Variants in ZMIZ1 observed in about 807,000 individuals in gnomAD.
ZMIZ1 encodes zinc finger MIZ domain-containing protein 1.
ZMIZ1 carries 17 observed loss-of-function variants against 113.9 expected under a neutral mutation model. That is an observed-to-expected ratio of 0.15 (90% confidence interval 0.10 to 0.22). The LOEUF (loss-of-function observed/expected upper bound fraction) is 0.22. Among genes scored for constraint, ZMIZ1 ranks in the 10% least tolerant of loss-of-function variants. The pLI is 1.00. For synonymous variants in ZMIZ1, 607 were observed against 603.1 expected, an observed-to-expected ratio of 1.01 and a Z score of -0.09; for missense variants, 1,059 against 1,477.8, an observed-to-expected ratio of 0.72 and a Z score of 4.65.
intron 4 of ZMIZ1, among the ~76,000 whole-genome samples, chr10:79,174,451 A>G (rs1846739491): frequency 2.0e-5 from 3 of 152,202 alleles, no homozygotes; most frequent in Admixed American, 2.0e-4. Flanking sequence ...TTTGATGGGC[A>G]GTGGGGAGCC....
At chr10:79,123,583 A>G (rs1844390599) in intron 2 of ZMIZ1, among the ~76,000 whole-genome samples, 1 of 152,098 alleles carries the variant, frequency 6.6e-6, no homozygotes, top group Admixed American at 6.5e-5. Flanking sequence ...GTCTTTTAAG[A>G]GAAGGTGGAG....
At chr10:79,180,363 AG>A (rs1322404687) in intron 4 of ZMIZ1, among the ~76,000 whole-genome samples, 1 of 152,164 alleles carries the variant, frequency 6.6e-6, no homozygotes, top group Non-Finnish European at 1.5e-5. Context: ...GTGACCACAG[AG>A]GGTCCTGGCC....
At chr10:79,293,714 G>A (rs770099542) in intron 12 of ZMIZ1, 61 bp downstream of exon 12, 25 of 1,611,716 alleles carry the variant, frequency 1.6e-5, no homozygotes, top group Non-Finnish European at 2.0e-5. Flanking sequence ...TGAAGACATG[G>A]GCCGTGGGTA....
At chr10:79,075,673 G>A (rs912736532) in intron 1 of ZMIZ1, among the ~76,000 whole-genome samples, 2 of 152,300 alleles carry the variant, frequency 1.3e-5, no homozygotes, top group Admixed American at 6.5e-5. Flanking sequence ...CCAGGACTCC[G>A]GCTGCCTGGC....
intron 4 of ZMIZ1, among the ~76,000 whole-genome samples, chr10:79,193,539 C>G (rs919655283): frequency 5.3e-5 from 8 of 152,190 alleles, no homozygotes. Context: ...GCCTGTTCAC[C>G]CATCTAATGA....
intron 1 of ZMIZ1, among the ~76,000 whole-genome samples, chr10:79,095,758 A>T (rs187014086): frequency 2.6e-5 from 4 of 152,066 alleles, no homozygotes; most frequent in Non-Finnish European, 4.4e-5. Context: ...GGTGCAATCA[A>T]TTTCTTCCTC....
chr10:79,173,834 G>A (rs1846705387), intron 4 of ZMIZ1, among the ~76,000 whole-genome samples: 1 of 152,192 alleles, frequency 6.6e-6, no homozygotes, highest in African/African-American at 2.4e-5. Flanking sequence ...CACAGCCACT[G>A]GGAGGTAGGA....
intron 4 of ZMIZ1, among the ~76,000 whole-genome samples, chr10:79,179,698 C>G (rs1222645720): frequency 6.6e-6 from 1 of 152,276 alleles, no homozygotes; most frequent in Non-Finnish European, 1.5e-5. Context: ...GGGAAAGCCC[C>G]TCTCTCTGCC....
At chr10:79,201,528 C>T (rs1211043734) in intron 4 of ZMIZ1, 56 bp from the exon 5 acceptor site, 4 of 1,355,086 alleles carry the variant, frequency 3.0e-6, no homozygotes, top group African/African-American at 1.4e-5. Context: ...TGGGAGGCTG[C>T]TCAAGGTTGG....
chr10:79,155,729 T>A (rs1190790818), intron 3 of ZMIZ1, among the ~76,000 whole-genome samples: 1 of 152,230 alleles, frequency 6.6e-6, no homozygotes, highest in Admixed American at 6.5e-5. Context: ...CAGGGATGTG[T>A]GCATGTGCCT....
intron 4 of ZMIZ1, among the ~76,000 whole-genome samples, chr10:79,193,323 A>G (rs1047001529): frequency 1.3e-5 from 2 of 152,224 alleles, no homozygotes; most frequent in Non-Finnish European, 2.9e-5. Flanking sequence ...AAACTTCACT[A>G]TGAGAATGTA....
chr10:79,200,275 C>T (rs1247666842), intron 4 of ZMIZ1, among the ~76,000 whole-genome samples: 2 of 152,294 alleles, frequency 1.3e-5, no homozygotes, highest in African/African-American at 2.4e-5. Context: ...GAACTGGCAG[C>T]GGGCAGTCTT....
chr10:79,189,371 C>G (rs1249213030), intron 4 of ZMIZ1, among the ~76,000 whole-genome samples: 2 of 152,230 alleles, frequency 1.3e-5, no homozygotes, highest in Non-Finnish European at 2.9e-5. Context: ...CAGCTTCCTT[C>G]TGCCTCTGAT....
chr10:79,302,096 T>C lies in ZMIZ1; in HGVS notation c.2020-11T>C, dbSNP rs1412611811. The C allele has an allele frequency of 1.2e-6, 2 of 1,613,018 alleles. No homozygotes were observed. The highest frequency in any genetic ancestry group is 1.7e-6 in the Non-Finnish European group (2 of 1,179,670). ...GTGCACAGGAACTGAGTGTCTCCTCTCTCCCCGCAGTCCCACCTCTTCGTG... is the reference window on the plus strand; with the variant it reads ...GTGCACAGGAACTGAGTGTCTCCTCCCTCCCCGCAGTCCCACCTCTTCGTG... On this transcript the variant is annotated splice_polypyrimidine_tract_variant and intron_variant, in intron 17 of 24. Coordinates refer to ENST00000334512, the MANE Select transcript of ZMIZ1 (RefSeq NM_020338.4).
chr10:79,120,641 G>A (rs981659373), intron 2 of ZMIZ1, among the ~76,000 whole-genome samples: 8 of 152,204 alleles, frequency 5.3e-5, no homozygotes, highest in East Asian at 1.9e-4. Context: ...CCTCCTATAC[G>A]GTGGCCGCAA....
rs536451548 is a variant in ZMIZ1 at position 79,266,034 on chromosome 10, C to A, written c.281-11147C>A. Among the ~76,000 whole-genome samples the A allele has an allele frequency of 2.0e-5, 3 of 152,368 alleles. No individual in the cohort carries two copies. In the East Asian group the frequency reaches 5.8e-4, roughly 29 times the overall value. ...ATCACCTGCAAGATTGAGAAGAAGT[C>A]ATGCAAGGTCAAGACTGGCCTGCGC... On this transcript the variant is annotated intron_variant, in intron 7 of 24. Coordinates refer to ENST00000334512, the MANE Select transcript of ZMIZ1 (RefSeq NM_020338.4).
At chr10:79,261,250 G>A (rs557557831) in intron 7 of ZMIZ1, among the ~76,000 whole-genome samples, 20 of 152,310 alleles carry the variant, frequency 1.3e-4, no homozygotes, top group Non-Finnish European at 2.4e-4. Context: ...ACTGGTGCGC[G>A]CTCAGCTCAG....
chr10:79,150,341 C>G (rs61853180), intron 3 of ZMIZ1, among the ~76,000 whole-genome samples: 1 of 152,176 alleles, frequency 6.6e-6, no homozygotes, highest in African/African-American at 2.4e-5. Context: ...AAAGGAAGCC[C>G]GACCTCGGGC....
rs1001314169 is a variant in ZMIZ1, at chr10:79,090,998, C to G, written c.-337+21728C>G. On this transcript the variant is annotated intron_variant, in intron 1 of 24. Transcript: ENST00000334512. ...AGGGCCCCGCCTTGGGGGGCTCACA[C>G]TCACCTGTCCTGCTTCCACCACTCC... Among the ~76,000 whole-genome samples the G allele has an allele frequency of 2.6e-5, 4 of 152,250 alleles. 1 individual carries two copies. Among genetic ancestry groups the G allele is most frequent in the African/African-American group, 9.6e-5 (4 of 41,464 alleles).
Sources: gnomAD v4.1 joint callset for allele counts (sites outside exome capture counted in the v4.1 genomes callset) on GRCh38, gnomAD v4.1.1 for gene constraint, MANE v1.5 for transcripts, NCBI Gene and HGNC (gene_info 2026-07-23, HGNC 2026-07-21) for gene names.